The following NAA30 variants were observed in gnomAD, a reference collection of about 807,000 sequenced individuals.
NAA30 encodes N-alpha-acetyltransferase 30.
In NAA30, 5 loss-of-function variants were observed where a neutral mutation model predicts 31.4. The observed-to-expected ratio is 0.16, with a 90% CI of 0.08 to 0.33. The LOEUF (loss-of-function observed/expected upper bound fraction) is 0.33. Ranked by LOEUF, NAA30 falls within the 10% of genes least tolerant of loss-of-function variation. NAA30 has a pLI of 1.00. For missense variants in NAA30, 428 were observed against 490.8 expected (o/e 0.87, Z 1.21); for synonymous variants, 222 against 207.1 (o/e 1.07, Z -0.62).
Position 57,396,829 on chromosome 14 carries a change from T to C in NAA30, c.849T>C (p.Tyr283=). 1 of 1,614,132 alleles carries C rather than the reference T, an allele frequency of 6.2e-7. No homozygotes were observed. Among genetic ancestry groups the C allele is most frequent in the Non-Finnish European group, 8.5e-7 (1 of 1,179,980 alleles). ...DMHKKMFRRG[Y]IAMLAVDSKY... ...ACAAAAAGATGTTCCGCAGAGGTTA[T>C]ATAGCCATGTTAGCCGTGGATTCCA... The change falls in exon 3 of 5, where the codon TAT becomes TAC. Residue 283 remains tyrosine, a synonymous_variant. Transcript: ENST00000556492.
rs1303444379 is a variant in NAA30, at chr14:57,391,800, C to T, written c.771+72C>T. Reference sequence around the variant, plus strand: ...CTGTGCGGGGCAGGGAGTGAGGGCCCAGAATGTGGCAGTGGATATCTCCTG... The same window carrying T: ...CTGTGCGGGGCAGGGAGTGAGGGCCTAGAATGTGGCAGTGGATATCTCCTG... On this transcript the variant is annotated intron_variant, in intron 2 of 4. Transcript: ENST00000556492. This position sits in a 1 kb window ranked among gnomAD's most constrained non-coding sequence, Gnocchi z 4.1. The T allele has an allele frequency of 8.4e-7, 1 of 1,189,690 alleles. No individual in the cohort carries two copies. 73.7% of individuals were successfully genotyped at this position (1,189,690 alleles called of 1,614,324 possible).
intron 4 of NAA30, among the ~76,000 whole-genome samples, chr14:57,403,102 A>AC (rs773003934): frequency 2.6e-5 from 4 of 152,064 alleles, no homozygotes; most frequent in Non-Finnish European, 5.9e-5. Context: ...AATCGCTTGA[A>AC]CCCGAGAGGT....
At chr14:57,392,564 T>A (rs1352077724) in intron 2 of NAA30, among the ~76,000 whole-genome samples, 1 of 152,220 alleles carries the variant, frequency 6.6e-6, no homozygotes, top group African/African-American at 2.4e-5. Context: ...GTACCAGTAA[T>A]TTCTTCACAA....
At chr14:57,403,433 T>G (rs1188704456) in intron 4 of NAA30, among the ~76,000 whole-genome samples, 2 of 152,230 alleles carry the variant, frequency 1.3e-5, no homozygotes, top group South Asian at 2.1e-4. Flanking sequence ...GTAGATGTTT[T>G]TCTCCAAATA....
intron 2 of NAA30, among the ~76,000 whole-genome samples, chr14:57,394,598 G>A (rs1269777945): frequency 6.6e-6 from 1 of 152,040 alleles, no homozygotes; most frequent in Non-Finnish European, 1.5e-5. Flanking sequence ...TAATGTCATC[G>A]TAATGGTGTA....
At position 57,391,479 on chromosome 14, in the gene NAA30, G is replaced by A; in HGVS notation, c.522G>A (p.Glu174=). ...AARNGLAEGT[E]QEEEEEDEQV... is the part of the protein sequence containing the mutation. ...GCAATGGACTGGCCGAGGGCACCGA[G>A]CAGGAGGAGGAGGAGGAAGACGAGC... The change falls in exon 2 of 5, where the codon GAG becomes GAA. Residue 174 remains glutamate (E), a synonymous_variant. Transcript: ENST00000556492. The surrounding 1 kb of genome is among the most constrained non-coding windows in gnomAD (Gnocchi z 4.1). 6.2e-7 allele frequency: 1 copy of A among 1,612,500 alleles called. No homozygotes were observed. Among genetic ancestry groups the A allele is most frequent in the South Asian group, 1.1e-5 (1 of 91,018 alleles).
chr14:57,393,306 C>G (rs1301100319), intron 2 of NAA30, among the ~76,000 whole-genome samples: 1 of 152,140 alleles, frequency 6.6e-6, no homozygotes, highest in African/African-American at 2.4e-5. Flanking sequence ...ATGTAGAACC[C>G]TCCCAATTCA....
intron 3 of NAA30, among the ~76,000 whole-genome samples, chr14:57,398,297 C>G (rs1478098395): frequency 6.6e-6 from 1 of 152,028 alleles, no homozygotes; most frequent in African/African-American, 2.4e-5. Context: ...TTAAAAAGCA[C>G]TGATAAGGAC....
At position 57,410,979 on chromosome 14, in the gene NAA30, T is replaced by G. The variant is rs1368835461; in HGVS notation, c.*1463T>G. The G allele has an allele frequency of 6.6e-6, 1 of 152,428 alleles. No individual in the cohort carries two copies. The highest frequency in any genetic ancestry group is 1.5e-5 in the Non-Finnish European group (1 of 67,948). The allele number at this position is 152,428 out of a possible 1,614,324, so 9.4% of individuals were successfully genotyped here. Reference sequence around the variant, plus strand: ...TCTAGTATTTGGTTTGGAATATATTTTGTGGCTCTAATTACTGTATTTTTA... The same window carrying G: ...TCTAGTATTTGGTTTGGAATATATTGTGTGGCTCTAATTACTGTATTTTTA... On this transcript the variant is annotated 3_prime_UTR_variant, in exon 5 of 5. Coordinates refer to ENST00000556492, the MANE Select transcript of NAA30 (RefSeq NM_001011713.3).
chr14:57,399,235 A>G (rs989080034), intron 3 of NAA30, among the ~76,000 whole-genome samples: 2 of 152,168 alleles, frequency 1.3e-5, no homozygotes, highest in African/African-American at 4.8e-5. Context: ...CTTTTAATAT[A>G]CCAATTATAT....
intron 3 of NAA30, among the ~76,000 whole-genome samples, chr14:57,397,317 A>T (rs1365729927): frequency 6.6e-6 from 1 of 152,184 alleles, no homozygotes; most frequent in Non-Finnish European, 1.5e-5. Context: ...GTCATCAACT[A>T]TATATTGCAA....
At chr14:57,397,323 T>C (rs1439937214) in intron 3 of NAA30, among the ~76,000 whole-genome samples, 2 of 152,216 alleles carry the variant, frequency 1.3e-5, no homozygotes, top group Non-Finnish European at 2.9e-5. Flanking sequence ...AACTATATAT[T>C]GCAATTCAGG....
In NAA30 at chr14:57,391,453, C is replaced by G. The variant is rs753126437; in HGVS notation, c.496C>G (p.Arg166Gly). ...AAAASDPAAARNGLAEGTEQE... is the reference protein window; with the variant it reads ...AAAASDPAAAGNGLAEGTEQE... ...GGCGGCGAGCGATCCCGCGGCGGCC[C>G]GCAATGGACTGGCCGAGGGCACCGA... The change falls in exon 2 of 5, where the codon CGC (arginine) becomes GGC (glycine). Residue 166 changes from arginine (R) to glycine (G), a missense_variant. This residue lies in a region of NAA30 where 349 missense variants were observed against 310.4 expected (regional missense o/e 1.12). Transcript: ENST00000556492. The surrounding 1 kb of genome is among the most constrained non-coding windows in gnomAD (Gnocchi z 4.1). 1.2e-4 allele frequency: 200 copies of G among 1,609,596 alleles called. No individual in the cohort carries two copies. Among genetic ancestry groups the G allele is most frequent in the Non-Finnish European group, 1.6e-4 (192 of 1,178,228 alleles).
In NAA30 at chr14:57,390,982, A is replaced by G. The variant is rs767651658; in HGVS notation, c.25A>G (p.Ser9Gly). The change falls in exon 2 of 5, where the codon AGC becomes GGC. Residue 9 changes from serine (S) to glycine (G), a missense_variant. Around this residue, in one of 2 missense-constraint regions of NAA30, gnomAD observed 349 missense variants for 310.4 expected, o/e 1.12. Transcript: ENST00000556492. MAEVPPGPSSLLPPPAPPA... is the reference protein window; with the variant it reads MAEVPPGPGSLLPPPAPPA... Reference sequence around the variant, plus strand: ...GATGGCGGAGGTACCGCCTGGGCCTAGCAGCCTCCTCCCACCACCAGCACC... The same window carrying G: ...GATGGCGGAGGTACCGCCTGGGCCTGGCAGCCTCCTCCCACCACCAGCACC... The G allele has an allele frequency of 6.7e-7, 1 of 1,491,292 alleles. No individual in the cohort carries two copies. Among genetic ancestry groups the G allele is most frequent in the Non-Finnish European group, 8.9e-7 (1 of 1,128,132 alleles). 92.4% of individuals were successfully genotyped at this position (1,491,292 alleles called of 1,614,324 possible). A position where few individuals can be genotyped will look rare whatever the true frequency, so the allele number is the denominator to read the frequency against.
At position 57,400,036 on chromosome 14, in the gene NAA30, T is replaced by A. The variant is rs147737509; in HGVS notation, c.951+153T>A. On this transcript the variant is annotated intron_variant, in intron 4 of 4. Transcript: ENST00000556492. ...AAATTATATTCCATTTAAAAACACA[T>A]GAATTTTTGACCTAGAACAAATTTT... Among the ~76,000 whole-genome samples, 630 of 152,316 alleles carry A rather than the reference T, an allele frequency of 4.1e-3. 5 individuals are homozygous for A. Among genetic ancestry groups the A allele is most frequent in the Middle Eastern group, 0.027 (8 of 294 alleles).
At position 57,391,417 on chromosome 14, in the gene NAA30, G is replaced by A. The variant is rs1335278289; in HGVS notation, c.460G>A (p.Val154Met). 1.9e-6 allele frequency: 3 copies of A among 1,607,610 alleles called. No individual in the cohort carries two copies. The highest frequency in any genetic ancestry group is 1.7e-4 in the Middle Eastern group (1 of 6,010). Residue 154 changes from valine (V) to methionine (M), a missense_variant, in exon 2 of 5, where the codon GTG becomes ATG. Physicochemically the swap from Val to Met is conservative, Grantham distance 21. Transcript: ENST00000556492. This position sits in a 1 kb window ranked among gnomAD's most constrained non-coding sequence, Gnocchi z 4.1. ...TGCAAGAACTGCGGTCCCCAGCCCGGTGGAGGCAGCGGCGGCGAGCGATCC... is the reference window on the plus strand; with the variant it reads ...TGCAAGAACTGCGGTCCCCAGCCCGATGGAGGCAGCGGCGGCGAGCGATCC... ...SNARTAVPSP[V>M]EAAAASDPAA... is the part of the protein sequence containing the mutation.
At chr14:57,403,537 A>G (rs988080105) in intron 4 of NAA30, among the ~76,000 whole-genome samples, 7 of 152,250 alleles carry the variant, frequency 4.6e-5, no homozygotes, top group Admixed American at 4.6e-4. Context: ...ATGTTAAAAC[A>G]GTATAGCTAA....
chr14:57,404,517 G>T (rs1773158809), intron 4 of NAA30, among the ~76,000 whole-genome samples: 1 of 152,106 alleles, frequency 6.6e-6, no homozygotes, highest in South Asian at 2.1e-4. Context: ...AAACCGTAAT[G>T]AACATTACAG....
intron 2 of NAA30, among the ~76,000 whole-genome samples, chr14:57,395,257 G>GT (rs1208361576): frequency 2.0e-5 from 3 of 152,100 alleles, no homozygotes; most frequent in African/African-American, 7.2e-5. Flanking sequence ...TTCCGACCTA[G>GT]TTTAGGTTTG....
Sources: allele counts gnomAD v4.1 joint callset (sites outside exome capture counted in the v4.1 genomes callset), GRCh38; gene constraint gnomAD v4.1.1; regional missense constraint gnomAD v4.1.1; non-coding constraint Gnocchi (gnomAD v3.1); transcripts MANE v1.5; gene names NCBI Gene and HGNC (gene_info 2026-07-23, HGNC 2026-07-21).